CPXM2: variants seen among roughly 807,000 people sequenced by gnomAD.
The protein encoded by CPXM2 is inactive carboxypeptidase-like protein X2.
In CPXM2, 66 loss-of-function variants were observed where a neutral mutation model predicts 86.1. That is an observed-to-expected ratio of 0.77 (90% CI 0.63 to 0.94). CPXM2 has a LOEUF of 0.94. CPXM2 is among the 40% of genes least tolerant of loss of function. CPXM2 has a pLI of 0.00. For synonymous variants in CPXM2, 388 were observed against 400.2 expected (o/e 0.97, Z 0.36); for missense variants, 948 against 1,026.3 (o/e 0.92, Z 1.04).
rs112226896 is a variant in CPXM2, at chr10:123,874,098, G to A, written c.403+6113C>T. On this transcript the variant is annotated intron_variant, in intron 2 of 13. Coordinates refer to ENST00000241305, the MANE Select transcript of CPXM2 (RefSeq NM_198148.3). ...TGGTTGTCTCAAACTCCTGAGCTCAGGTGATCTGGCTGCCTCAGCCTCCCA... is the reference window on the plus strand; with the variant it reads ...TGGTTGTCTCAAACTCCTGAGCTCAAGTGATCTGGCTGCCTCAGCCTCCCA... 2.8e-3 allele frequency among the ~76,000 whole-genome samples: 424 copies of A among 151,990 alleles called. 5 individuals are homozygous for A. Among genetic ancestry groups the A allele is most frequent in the African/African-American group, 9.3e-3 (384 of 41,448 alleles).
chr10:123,814,431 C>T (rs1452206677), intron 4 of CPXM2, among the ~76,000 whole-genome samples: 1 of 152,190 alleles, frequency 6.6e-6, no homozygotes, highest in East Asian at 1.9e-4. Context: ...TTTCCTTGAT[C>T]CTCAGCTTGC....
chr10:123,770,157 C>A (rs1422923692), intron 8 of CPXM2, among the ~76,000 whole-genome samples: 8 of 152,078 alleles, frequency 5.3e-5, no homozygotes, highest in Admixed American at 5.2e-4. Context: ...GCCTGTAATC[C>A]CAGCTACTCA....
intron 4 of CPXM2, among the ~76,000 whole-genome samples, chr10:123,808,426 T>A (rs1847626250): frequency 6.6e-6 from 1 of 151,928 alleles, no homozygotes; most frequent in Non-Finnish European, 1.5e-5. Context: ...TAGTGAGTAA[T>A]GCACAAACAC....
At position 123,841,043 on chromosome 10, in the gene CPXM2, G is replaced by A. The variant is rs945306872; in HGVS notation, c.653+1306C>T. Among the ~76,000 whole-genome samples, 19 of 152,334 alleles carry A rather than the reference G, an allele frequency of 1.2e-4. 1 individual carries two copies. The South Asian group carries it at 3.7e-3, about 30-fold the overall frequency. ...GGAGGGTTGGGGAGGACTGCAGACGGGAGGGATCTGAGCTCACAAAGATCA... is the reference window on the plus strand; with the variant it reads ...GGAGGGTTGGGGAGGACTGCAGACGAGAGGGATCTGAGCTCACAAAGATCA... On this transcript the variant is annotated intron_variant, in intron 4 of 13. Transcript: ENST00000241305.
chr10:123,751,406 C>T (rs1212181945), intron 13 of CPXM2: 2 of 549,096 alleles, frequency 3.6e-6, no homozygotes, highest in African/African-American at 4.1e-5. Context: ...ACCCTTTGCC[C>T]TTCCGAAGTT....
In CPXM2 at chr10:123,754,340, G is replaced by A. The variant is rs1846149525; in HGVS notation, c.2017+323C>T. Among the ~76,000 whole-genome samples the A allele has an allele frequency of 6.6e-6, 1 of 152,166 alleles. No individual in the cohort carries two copies. Among genetic ancestry groups the A allele is most frequent in the African/African-American group, 2.4e-5 (1 of 41,444 alleles). Reference sequence around the variant, plus strand: ...ACACAGGCCACATTCCACCTGGTCTGAGAGCTAAGCTGCCTGCAGATGCAA... The same window carrying A: ...ACACAGGCCACATTCCACCTGGTCTAAGAGCTAAGCTGCCTGCAGATGCAA... On this transcript the variant is annotated intron_variant, in intron 13 of 13. Transcript: ENST00000241305. This position sits in a 1 kb window ranked among gnomAD's most constrained non-coding sequence, Gnocchi z 4.0.
At chr10:123,938,012 A>G (rs1018954238) in intron 2 of CPXM2, among the ~76,000 whole-genome samples, 7 of 152,330 alleles carry the variant, frequency 4.6e-5, no homozygotes, top group East Asian at 1.9e-4. Context: ...ACTCAGAGGC[A>G]TAAATACAGG....
intron 4 of CPXM2, among the ~76,000 whole-genome samples, chr10:123,840,169 CTTTTG>C (rs906337349): frequency 2.6e-5 from 4 of 152,206 alleles, no homozygotes; most frequent in Non-Finnish European, 4.4e-5. Flanking sequence ...TCAAACCAGT[CTTTTG>C]TTTTAAGTTT....
intron 2 of CPXM2, among the ~76,000 whole-genome samples, chr10:123,924,695 T>TG (rs1945608769): frequency 6.6e-6 from 1 of 152,068 alleles, no homozygotes; most frequent in Non-Finnish European, 1.5e-5. Context: ...GGATGCAGAG[T>TG]GGCGGTGGGT....
intron 2 of CPXM2, among the ~76,000 whole-genome samples, chr10:123,863,825 G>A (rs1848914507): frequency 6.6e-6 from 1 of 152,182 alleles, no homozygotes; most frequent in African/African-American, 2.4e-5. Flanking sequence ...GAGACAGCTG[G>A]GAGCCTGGGC....
chr10:123,877,586 C>T (rs780139670), intron 2 of CPXM2, among the ~76,000 whole-genome samples: 24 of 152,320 alleles, frequency 1.6e-4, no homozygotes, highest in Admixed American at 7.2e-4. Context: ...GGGCTCAGAA[C>T]TGACACATGA....
chr10:123,921,150 A>G (rs1012715186), intron 2 of CPXM2, among the ~76,000 whole-genome samples: 4 of 152,210 alleles, frequency 2.6e-5, no homozygotes, highest in Admixed American at 2.6e-4. Flanking sequence ...CAAGAAAAAG[A>G]GCATATTCTT....
At chr10:123,810,404 A>C (rs1847665449) in intron 4 of CPXM2, among the ~76,000 whole-genome samples, 1 of 152,052 alleles carries the variant, frequency 6.6e-6, no homozygotes, top group South Asian at 2.1e-4. Flanking sequence ...TATGTAATGA[A>C]TATACATAGA....
intron 10 of CPXM2, among the ~76,000 whole-genome samples, chr10:123,766,759 GA>G (rs746292781): frequency 5.3e-5 from 8 of 152,260 alleles, no homozygotes; most frequent in Non-Finnish European, 1.0e-4. Flanking sequence ...TGCTTGTTAA[GA>G]AATACAATTA....
At chr10:123,786,927 C>A (rs893165766) in intron 6 of CPXM2, among the ~76,000 whole-genome samples, 2 of 152,172 alleles carry the variant, frequency 1.3e-5, no homozygotes, top group African/African-American at 2.4e-5. Flanking sequence ...GCCAACCTGC[C>A]CCCCTTCTTG....
intron 1 of CPXM2, among the ~76,000 whole-genome samples, chr10:123,890,254 A>T (rs952807776): frequency 2.0e-5 from 3 of 152,230 alleles, no homozygotes; most frequent in African/African-American, 7.2e-5. Flanking sequence ...GGATGTGTTC[A>T]GGGTTGTCAC....
chr10:123,759,963 G>T (rs1248911385), intron 11 of CPXM2, among the ~76,000 whole-genome samples: 2 of 152,172 alleles, frequency 1.3e-5, no homozygotes, highest in African/African-American at 4.8e-5. Flanking sequence ...GAACAAAAAG[G>T]TGGAGAGGAG....
intron 4 of CPXM2, among the ~76,000 whole-genome samples, chr10:123,827,299 G>A (rs369637746): frequency 1.1e-4 from 17 of 152,260 alleles, no homozygotes; most frequent in African/African-American, 4.1e-4. Context: ...CTGAAACCAT[G>A]CCTAAATGTA....
upstream of CPXM2, among the ~76,000 whole-genome samples, chr10:123,941,750 G>A (rs1423950297): frequency 6.6e-6 from 1 of 152,198 alleles, no homozygotes; most frequent in Non-Finnish European, 1.5e-5. Flanking sequence ...TGCCTTTGGG[G>A]GTGCTTTGAA....
Sources: gnomAD v4.1 joint callset for allele counts (sites outside exome capture counted in the v4.1 genomes callset) on GRCh38, gnomAD v4.1.1 for gene constraint, Gnocchi (gnomAD v3.1) non-coding constraint, MANE v1.5 for transcripts, NCBI Gene and HGNC (gene_info 2026-07-23, HGNC 2026-07-21) for gene names.